NARS2: variants seen among roughly 807,000 people sequenced by gnomAD.
NARS2 encodes asparaginyl-tRNA synthetase 2, mitochondrial.
A neutral mutation model predicts 62.9 loss-of-function variants in NARS2; 60 were observed. The observed-to-expected ratio is 0.95, with a 90% CI of 0.77 to 1.18. The LOEUF is 1.18. Ranked by LOEUF, NARS2 falls within the 50% of genes most tolerant of loss-of-function variation. The pLI, the probability that NARS2 is intolerant of heterozygous loss-of-function variation, is 0.00. For missense variants in NARS2, 619 were observed against 576.4 expected (o/e 1.07, Z -0.76); for synonymous variants, 196 against 200.0 (o/e 0.98, Z 0.17).
At chr11:78,492,821 G>T (rs1859883147) in intron 7 of NARS2, among the ~76,000 whole-genome samples, 1 of 152,142 alleles carries the variant, frequency 6.6e-6, no homozygotes, top group South Asian at 2.1e-4. Flanking sequence ...GGAACCTAAA[G>T]ATCATGAAAG....
chr11:78,526,222 T>C (rs945197985), intron 6 of NARS2, among the ~76,000 whole-genome samples: 1 of 152,136 alleles, frequency 6.6e-6, no homozygotes, highest in Non-Finnish European at 1.5e-5. Flanking sequence ...CACAAAACTA[T>C]GCATTATCTT....
At chr11:78,470,439 T>C (rs1858820777) in intron 9 of NARS2, among the ~76,000 whole-genome samples, 1 of 152,174 alleles carries the variant, frequency 6.6e-6, no homozygotes, top group African/African-American at 2.4e-5. Context: ...GAGGATTTTA[T>C]TTATACAGAT....
chr11:78,555,109 ATGTGCTGC>A (rs1856298560), intron 5 of NARS2: 1 of 152,164 alleles, frequency 6.6e-6, no homozygotes, highest in Admixed American at 6.5e-5. Flanking sequence ...TAAATTTCTG[ATGTGCTGC>A]TGGATTCAGT....
At chr11:78,452,033 A>G (rs1201355764) in intron 11 of NARS2, among the ~76,000 whole-genome samples, 3 of 152,212 alleles carry the variant, frequency 2.0e-5, no homozygotes, top group Admixed American at 1.3e-4. Flanking sequence ...CGAAGTATCC[A>G]TATCTTTTAG....
chr11:78,475,053 G>T (rs1258900479), intron 9 of NARS2, among the ~76,000 whole-genome samples: 4 of 151,950 alleles, frequency 2.6e-5, no homozygotes, highest in South Asian at 2.1e-4. Context: ...TGTACCCCTT[G>T]GACAATTTCT....
intron 11 of NARS2, among the ~76,000 whole-genome samples, chr11:78,461,315 G>A (rs1390991294): frequency 6.6e-6 from 1 of 152,014 alleles, no homozygotes; most frequent in Non-Finnish European, 1.5e-5. Context: ...GATAGAAATG[G>A]ATAAATCTGT....
At chr11:78,523,941 ATGCTAAAACCCACTGAAT>A (rs1344549176) in intron 6 of NARS2, among the ~76,000 whole-genome samples, 1 of 152,188 alleles carries the variant, frequency 6.6e-6, no homozygotes, top group Non-Finnish European at 1.5e-5. Flanking sequence ...TCTTCAAAAT[ATGCTAAAACCCACTGAAT>A]TGCACACTTC....
intron 11 of NARS2, among the ~76,000 whole-genome samples, chr11:78,445,045 TTAGA>T (rs1477783727): frequency 3.3e-5 from 5 of 152,306 alleles, no homozygotes; most frequent in Non-Finnish European, 7.4e-5. Flanking sequence ...CAACAGACTA[TTAGA>T]TAAGTTTTAG....
At chr11:78,508,595 A>G (rs1197350727) in intron 6 of NARS2, among the ~76,000 whole-genome samples, 1 of 151,528 alleles carries the variant, frequency 6.6e-6, no homozygotes, top group Non-Finnish European at 1.5e-5. Flanking sequence ...CTCAAAAAAA[A>G]AAAACAAAAA....
intron 6 of NARS2, among the ~76,000 whole-genome samples, chr11:78,524,591 T>C (rs544807192): frequency 1.3e-5 from 2 of 152,044 alleles, no homozygotes; most frequent in Admixed American, 1.3e-4. Context: ...TAATTGCAGG[T>C]TTTACAATTT....
At position 78,519,967 on chromosome 11, in the gene NARS2, A is replaced by G. The variant is rs536452024; in HGVS notation, c.689+8875T>C. On this transcript the variant is annotated intron_variant, in intron 6 of 13. Transcript: ENST00000281038. ...CTTGGCCTCCCAAAGTGCTGGGATT[A>G]CAGGTGTGAGCCACCACGTCCAGCT... Among the ~76,000 whole-genome samples, 4 of 152,262 alleles carry G rather than the reference A, an allele frequency of 2.6e-5. No homozygotes were observed. The South Asian group carries it at 6.2e-4, about 24-fold the overall frequency.
chr11:78,495,872 C>T (rs1860035229), intron 6 of NARS2, among the ~76,000 whole-genome samples: 1 of 152,120 alleles, frequency 6.6e-6, no homozygotes, highest in African/African-American at 2.4e-5. Flanking sequence ...ATTTCTGGTA[C>T]TTTATCACAA....
intron 5 of NARS2, among the ~76,000 whole-genome samples, chr11:78,539,510 A>T (rs1855527126): frequency 6.6e-6 from 1 of 152,264 alleles, no homozygotes; most frequent in Admixed American, 6.5e-5. Flanking sequence ...TTGAATGCAT[A>T]TTAGACATCA....
At chr11:78,550,709 G>T (rs1288389001) in intron 5 of NARS2, among the ~76,000 whole-genome samples, 2 of 152,040 alleles carry the variant, frequency 1.3e-5, no homozygotes, top group Non-Finnish European at 2.9e-5. Flanking sequence ...TGAACTTAAG[G>T]TTTACAACAT....
At chr11:78,550,947 T>C (rs1021770381) in intron 5 of NARS2, among the ~76,000 whole-genome samples, 6 of 152,184 alleles carry the variant, frequency 3.9e-5, no homozygotes, top group African/African-American at 1.4e-4. Context: ...TACAATACTT[T>C]ATAAGTGAAA....
chr11:78,461,602 T>TA (rs59664343), intron 11 of NARS2, among the ~76,000 whole-genome samples: 5,232 of 63,954 alleles, frequency 0.082, 378 homozygotes, highest in African/African-American at 0.089. Context: ...GCTGTGCTGG[T>TA]AAAAAAAAAA....
chr11:78,559,881 C>G (rs1033882831), intron 4 of NARS2, among the ~76,000 whole-genome samples: 6 of 152,170 alleles, frequency 3.9e-5, no homozygotes, highest in Non-Finnish European at 7.4e-5. Context: ...AAGGCCCAGA[C>G]AGATTTAGTG....
intron 1 of NARS2, chr11:78,573,110 CAAAGA>C (rs1460388539): frequency 1.3e-5 from 2 of 152,152 alleles, no homozygotes; most frequent in African/African-American, 4.8e-5. Flanking sequence ...ATATGGAACT[CAAAGA>C]GGAGCAGATT....
intron 6 of NARS2, among the ~76,000 whole-genome samples, chr11:78,513,363 C>A (rs1450219782): frequency 2.7e-5 from 4 of 145,894 alleles, no homozygotes; most frequent in South Asian, 4.3e-4. Context: ...TTTTTTTGTA[C>A]CTATTAACCA....
Sources: allele counts gnomAD v4.1 joint callset (sites outside exome capture counted in the v4.1 genomes callset), GRCh38; gene constraint gnomAD v4.1.1; transcripts MANE v1.5; gene names NCBI Gene and HGNC (gene_info 2026-07-23, HGNC 2026-07-21).